ARHGAP22: variants seen among roughly 807,000 people sequenced by gnomAD.
ARHGAP22 encodes rho GTPase-activating protein 22.
ARHGAP22 carries 48 observed loss-of-function variants against 59.1 expected under a neutral mutation model. The ratio of observed to expected loss-of-function variants is 0.81; its 90% CI spans 0.64 to 1.03. ARHGAP22 has a LOEUF of 1.03. ARHGAP22 is among the 50% of genes least tolerant of loss of function. The pLI, the probability that ARHGAP22 is intolerant of heterozygous loss-of-function variation, is 0.00. For synonymous variants in ARHGAP22, 445 were observed against 416.4 expected, an observed-to-expected ratio of 1.07 and a Z score of -0.84; for missense variants, 1,015 against 958.7, an observed-to-expected ratio of 1.06 and a Z score of -0.78.
At chr10:48,504,836 T>A (rs1191631882) in intron 3 of ARHGAP22, among the ~76,000 whole-genome samples, 3 of 151,810 alleles carry the variant, frequency 2.0e-5, no homozygotes, top group African/African-American at 7.3e-5. Context: ...GATCTGAGAC[T>A]CAGCAGAACT....
chr10:48,522,213 C>A (rs1280085346), intron 3 of ARHGAP22, among the ~76,000 whole-genome samples: 1 of 152,240 alleles, frequency 6.6e-6, no homozygotes, highest in Non-Finnish European at 1.5e-5. Context: ...GCGCTCCCCA[C>A]CCACTTGGCC....
the ARHGAP22 span, chr10:48,434,803 C>T: frequency 1.6e-6 from 2 of 1,265,974 alleles, no homozygotes; most frequent in South Asian, 3.8e-5. Flanking sequence ...AAAATTACCA[C>T]TGGAGGCAGT....
the ARHGAP22 span, among the ~76,000 whole-genome samples, chr10:48,434,200 A>G: frequency 6.6e-6 from 1 of 152,194 alleles, no homozygotes; most frequent in Non-Finnish European, 1.5e-5. Flanking sequence ...ATAAATCCAT[A>G]TTTCTGCTTA....
chr10:48,567,289 C>T (rs1195588975), intron 2 of ARHGAP22, among the ~76,000 whole-genome samples: 1 of 152,238 alleles, frequency 6.6e-6, no homozygotes, highest in East Asian at 1.9e-4. Context: ...GCCTCTCTTC[C>T]TCTCAGTCTT....
At chr10:48,517,074 G>A (rs1366592891) in intron 3 of ARHGAP22, among the ~76,000 whole-genome samples, 2 of 152,146 alleles carry the variant, frequency 1.3e-5, no homozygotes, top group Admixed American at 6.5e-5. Context: ...GAGGGGACAC[G>A]GGGAGGGTTG....
intron 1 of ARHGAP22, among the ~76,000 whole-genome samples, chr10:48,626,814 C>A (rs887710194): frequency 6.6e-6 from 1 of 152,110 alleles, no homozygotes; most frequent in Non-Finnish European, 1.5e-5. Context: ...TCAGAGAAAG[C>A]CCCTTTCAAA....
chr10:48,495,460 C>T lies in ARHGAP22; in HGVS notation c.323-15696G>A, dbSNP rs2050822706. ...TCACATGACTAATAAGATGTATCTT[C>T]CCAACTGCCCCCGGTCACCCAAGGG... On this transcript the variant is annotated intron_variant, in intron 3 of 9. Coordinates refer to ENST00000249601, the MANE Select transcript of ARHGAP22 (RefSeq NM_021226.4). 2.6e-5 allele frequency among the ~76,000 whole-genome samples: 4 copies of T among 152,294 alleles called. No individual in the cohort carries two copies. In the South Asian group the frequency reaches 8.3e-4, roughly 32 times the overall value.
At chr10:48,483,898 A>AT (rs1441640944) in intron 3 of ARHGAP22, among the ~76,000 whole-genome samples, 1 of 152,040 alleles carries the variant, frequency 6.6e-6, no homozygotes, top group Non-Finnish European at 1.5e-5. Flanking sequence ...CCACTTAGCT[A>AT]TTTTTGTTTT....
intron 3 of ARHGAP22, among the ~76,000 whole-genome samples, chr10:48,480,507 C>T (rs2049191358): frequency 1.3e-5 from 2 of 152,216 alleles, no homozygotes; most frequent in Middle Eastern, 3.2e-3. Flanking sequence ...ATCCTACCCC[C>T]CGACATCCCT....
At chr10:48,564,827 C>G (rs967303185) in intron 2 of ARHGAP22, among the ~76,000 whole-genome samples, 1 of 152,238 alleles carries the variant, frequency 6.6e-6, no homozygotes, top group Non-Finnish European at 1.5e-5. Flanking sequence ...TTTCCAGGTC[C>G]TCTGATCAGG....
At chr10:48,576,506 C>T (rs1388004449) in intron 2 of ARHGAP22, among the ~76,000 whole-genome samples, 1 of 152,216 alleles carries the variant, frequency 6.6e-6, no homozygotes, top group Admixed American at 6.5e-5. Flanking sequence ...TGCAAGCTGA[C>T]CCTGTTACCA....
At chr10:48,564,550 T>C (rs920768697) in intron 2 of ARHGAP22, among the ~76,000 whole-genome samples, 13 of 152,198 alleles carry the variant, frequency 8.5e-5, no homozygotes, top group Admixed American at 6.5e-5. Flanking sequence ...ACGTAAAATT[T>C]AAACAACGTT....
intron 4 of ARHGAP22, among the ~76,000 whole-genome samples, chr10:48,476,032 T>TC (rs2048692752): frequency 6.6e-6 from 1 of 152,238 alleles, no homozygotes; most frequent in South Asian, 2.1e-4. Context: ...TCTCTTGTGT[T>TC]CCCCTCCCTG....
intron 1 of ARHGAP22, among the ~76,000 whole-genome samples, chr10:48,630,175 TC>T (rs1402075925): frequency 4.6e-5 from 7 of 152,178 alleles, no homozygotes; most frequent in African/African-American, 1.7e-4. Context: ...CACTGCAACC[TC>T]CACCTCCCTG....
the ARHGAP22 span, among the ~76,000 whole-genome samples, chr10:48,432,969 C>G: frequency 2.0e-5 from 3 of 152,168 alleles, no homozygotes; most frequent in East Asian, 5.8e-4. Context: ...CAGATAACCA[C>G]AGTACCATTT....
intron 1 of ARHGAP22, among the ~76,000 whole-genome samples, chr10:48,648,837 G>C (rs2062427666): frequency 6.6e-6 from 1 of 152,208 alleles, no homozygotes; most frequent in Non-Finnish European, 1.5e-5. Context: ...TGCCAGAGGA[G>C]GGCAGGCAGC....
intron 1 of ARHGAP22, among the ~76,000 whole-genome samples, chr10:48,595,638 C>T (rs1434526848): frequency 6.6e-6 from 1 of 152,182 alleles, no homozygotes; most frequent in South Asian, 2.1e-4. Flanking sequence ...ATTCTCCCAC[C>T]TCAGCCTTCT....
intron 8 of ARHGAP22, 117 bp downstream of exon 8, chr10:48,453,187 A>G: frequency 1.4e-6 from 2 of 1,436,194 alleles, no homozygotes; most frequent in Non-Finnish European, 1.9e-6. Context: ...GTGCCACCTG[A>G]GCCACCCCTC....
At position 48,520,081 on chromosome 10, in the gene ARHGAP22, T is replaced by G. The variant is rs536533601; in HGVS notation, c.322+35382A>C. Among the ~76,000 whole-genome samples, 57 of 152,070 alleles carry G rather than the reference T, an allele frequency of 3.7e-4. 1 individual carries two copies. Among genetic ancestry groups the G allele is most frequent in the Non-Finnish European group, 5.6e-4 (38 of 67,980 alleles). ...GCCATCAGCCATTGGTTGTGAGAAA[T>G]GAAGAAGAGGGCAGGGTCGAGAGCC... On this transcript the variant is annotated intron_variant, in intron 3 of 9. Coordinates refer to ENST00000249601, the MANE Select transcript of ARHGAP22 (RefSeq NM_021226.4).
Sources: gnomAD v4.1 joint callset for allele counts (sites outside exome capture counted in the v4.1 genomes callset) on GRCh38, gnomAD v4.1.1 for gene constraint, MANE v1.5 for transcripts, NCBI Gene and HGNC (gene_info 2026-07-23, HGNC 2026-07-21) for gene names.